Variants in PPARGC1A observed in about 807,000 individuals in gnomAD.
PPARGC1A encodes PPARG coactivator 1 alpha, also known as peroxisome proliferator-activated receptor gamma coactivator 1-alpha.
A neutral mutation model predicts 88.7 loss-of-function variants in PPARGC1A; 25 were observed. The ratio of observed to expected loss-of-function variants is 0.28; its 90% CI spans 0.21 to 0.39. PPARGC1A has a LOEUF of 0.39. PPARGC1A is among the 10% of genes least tolerant of loss of function. PPARGC1A has a pLI of 1.00. For synonymous variants in PPARGC1A, 363 were observed against 355.6 expected (o/e 1.02, Z -0.24); for missense variants, 880 against 968.7 (o/e 0.91, Z 1.22).
the PPARGC1A span, among the ~76,000 whole-genome samples, chr4:24,205,878 CA>C: frequency 6.6e-6 from 1 of 152,144 alleles, no homozygotes; most frequent in Non-Finnish European, 1.5e-5. Flanking sequence ...TCAGTAAGCA[CA>C]ATATATGGCT....
chr4:23,986,076 C>A, the PPARGC1A span, among the ~76,000 whole-genome samples: 2 of 151,952 alleles, frequency 1.3e-5, no homozygotes, highest in African/African-American at 2.4e-5. Flanking sequence ...CAACCCAACT[C>A]TCTGATTGTG....
At chr4:24,147,450 C>T in the PPARGC1A span, among the ~76,000 whole-genome samples, 1 of 152,146 alleles carries the variant, frequency 6.6e-6, no homozygotes, top group Admixed American at 6.5e-5. Flanking sequence ...ATATCCTTTC[C>T]CACTCGGCTG....
chr4:24,116,223 T>C, the PPARGC1A span, among the ~76,000 whole-genome samples: 2 of 152,262 alleles, frequency 1.3e-5, no homozygotes, highest in African/African-American at 2.4e-5. Flanking sequence ...TAATTTATTT[T>C]CTCTTTCATT....
intron 3 of PPARGC1A, 53 bp downstream of exon 3, chr4:23,831,504 C>T (rs1560398151): frequency 2.7e-6 from 4 of 1,481,726 alleles, no homozygotes; most frequent in African/African-American, 1.4e-5. Flanking sequence ...ACCCATGCAG[C>T]GGGTAGCCAG....
At chr4:24,286,843 T>C in the PPARGC1A span, among the ~76,000 whole-genome samples, 1 of 152,136 alleles carries the variant, frequency 6.6e-6, no homozygotes, top group Non-Finnish European at 1.5e-5. Context: ...ACAAGCAAGA[T>C]GCTGGCGAGG....
chr4:24,446,988 T>C, the PPARGC1A span, among the ~76,000 whole-genome samples: 1 of 152,186 alleles, frequency 6.6e-6, no homozygotes, highest in Non-Finnish European at 1.5e-5. Flanking sequence ...CACCCCTTTC[T>C]AGAGAAGGTC....
chr4:24,298,779 C>G, the PPARGC1A span, among the ~76,000 whole-genome samples: 1 of 152,120 alleles, frequency 6.6e-6, no homozygotes, highest in African/African-American at 2.4e-5. Flanking sequence ...AACCTAGAAA[C>G]AGATGTCTAA....
the PPARGC1A span, among the ~76,000 whole-genome samples, chr4:24,005,452 C>T: frequency 2.0e-5 from 3 of 152,140 alleles, no homozygotes; most frequent in South Asian, 2.1e-4. Flanking sequence ...ATCCCAACCC[C>T]GTCCCCTTGA....
chr4:24,220,262 T>C, the PPARGC1A span, among the ~76,000 whole-genome samples: 751 of 152,360 alleles, frequency 4.9e-3, 30 homozygotes, highest in East Asian at 0.097. Context: ...GGAATGCTTA[T>C]ACACTGTTGG....
chr4:24,296,784 G>T, the PPARGC1A span, among the ~76,000 whole-genome samples: 1 of 152,178 alleles, frequency 6.6e-6, no homozygotes, highest in African/African-American at 2.4e-5. Context: ...TCTCTGAGAT[G>T]CCTGTATTAT....
chr4:23,910,912 A>G, the PPARGC1A span, among the ~76,000 whole-genome samples: 1 of 152,068 alleles, frequency 6.6e-6, no homozygotes, highest in Non-Finnish European at 1.5e-5. Flanking sequence ...GAACCTGGGC[A>G]GCCTGGTTCC....
At chr4:24,472,684 C>CGCCGCT in the PPARGC1A span, among the ~76,000 whole-genome samples, 11 of 151,888 alleles carry the variant, frequency 7.2e-5, no homozygotes, top group South Asian at 4.2e-4. This position sits in a 1 kb window ranked among gnomAD's most constrained non-coding sequence, Gnocchi z 4.5. Context: ...CCGCCGCCGC[C>CGCCGCT]GCCGCTGCCG....
chr4:24,326,607 A>G, the PPARGC1A span, among the ~76,000 whole-genome samples: 1 of 152,186 alleles, frequency 6.6e-6, no homozygotes, highest in Non-Finnish European at 1.5e-5. Context: ...TACTTCAGTC[A>G]AGCCCAAATT....
chr4:24,074,163 G>A, the PPARGC1A span, among the ~76,000 whole-genome samples: 3 of 152,166 alleles, frequency 2.0e-5, no homozygotes, highest in African/African-American at 7.2e-5. Context: ...TCTCACATGA[G>A]GGAATGAAAA....
the PPARGC1A span, among the ~76,000 whole-genome samples, chr4:24,012,645 C>A: frequency 2.0e-5 from 3 of 152,094 alleles, no homozygotes; most frequent in Non-Finnish European, 4.4e-5. Context: ...TCCTTGTCCC[C>A]ACACCTGGTA....
intron 7 of PPARGC1A, 38 bp from the exon 8 acceptor site, chr4:23,814,643 GAA>G: frequency 1.5e-6 from 2 of 1,378,754 alleles, no homozygotes; most frequent in Non-Finnish European, 2.0e-6. Flanking sequence ...AAAAGAGAGA[GAA>G]AGAAAAGAGA....
At chr4:24,387,770 A>AG in the PPARGC1A span, among the ~76,000 whole-genome samples, 1,269 of 58,516 alleles carry the variant, frequency 0.022, 32 homozygotes, top group East Asian at 0.025. Flanking sequence ...GAGAGAGAGA[A>AG]AGAAAGAAAG....
At chr4:24,124,406 T>C in the PPARGC1A span, among the ~76,000 whole-genome samples, 1 of 152,238 alleles carries the variant, frequency 6.6e-6, no homozygotes, top group African/African-American at 2.4e-5. Flanking sequence ...AGCCCATCTG[T>C]CTTAATTCAA....
chr4:23,947,928 G>C, the PPARGC1A span, among the ~76,000 whole-genome samples: 1 of 152,252 alleles, frequency 6.6e-6, no homozygotes, highest in South Asian at 2.1e-4. Context: ...AGGAACCGTG[G>C]AACCAAGTGG....
Sources: allele counts gnomAD v4.1 joint callset (sites outside exome capture counted in the v4.1 genomes callset), GRCh38; gene constraint gnomAD v4.1.1; non-coding constraint Gnocchi (gnomAD v3.1); transcripts MANE v1.5; gene names NCBI Gene and HGNC (gene_info 2026-07-23, HGNC 2026-07-21).